Variants in TNPO1 observed in about 807,000 individuals in gnomAD.
TNPO1 encodes the protein transportin 1, also known as transportin-1.
A neutral mutation model predicts 119.5 loss-of-function variants in TNPO1; 8 were observed. That is an observed-to-expected ratio of 0.07 (90% CI 0.04 to 0.12). The LOEUF is 0.12. TNPO1 is among the 10% of genes least tolerant of loss of function. The pLI, the probability that TNPO1 is intolerant of heterozygous loss-of-function variation, is 1.00. For missense variants in TNPO1, 576 were observed against 1,089.8 expected (o/e 0.53, Z 6.64); for synonymous variants, 362 against 363.0 (o/e 1.00, Z 0.03).
At chr5:72,880,975 CTT>C (rs1242821030) in intron 9 of TNPO1, among the ~76,000 whole-genome samples, 1 of 152,100 alleles carries the variant, frequency 6.6e-6, no homozygotes, top group East Asian at 1.9e-4. Flanking sequence ...ATTTCCATGT[CTT>C]ATTTTCTGAC....
intron 1 of TNPO1, among the ~76,000 whole-genome samples, chr5:72,824,999 A>C (rs1744141374): frequency 6.6e-6 from 1 of 152,082 alleles, no homozygotes; most frequent in Non-Finnish European, 1.5e-5. Context: ...TCTTGGCCTT[A>C]TTTTTTTACT....
At chr5:72,828,542 G>T (rs1014662558) in intron 1 of TNPO1, among the ~76,000 whole-genome samples, 1 of 152,012 alleles carries the variant, frequency 6.6e-6, no homozygotes, top group Non-Finnish European at 1.5e-5. Context: ...AATTTTTGGG[G>T]GGTCATTTGA....
At chr5:72,856,424 G>A (rs1232685109) in intron 4 of TNPO1, among the ~76,000 whole-genome samples, 2 of 151,996 alleles carry the variant, frequency 1.3e-5, no homozygotes, top group Admixed American at 1.3e-4. Context: ...GTAGAGACAG[G>A]GTTTTACCAT....
At chr5:72,887,368 A>C (rs187395045) in intron 12 of TNPO1, 146 bp downstream of exon 12, 7 of 899,682 alleles carry the variant, frequency 7.8e-6, no homozygotes, top group Middle Eastern at 3.8e-4. Flanking sequence ...CCCCAGCTAG[A>C]TATTTTGCAA....
chr5:72,893,116 C>CATGTG, intron 15 of TNPO1, 23 bp from the exon 16 acceptor site: 1 of 1,572,748 alleles, frequency 6.4e-7, no homozygotes, highest in Non-Finnish European at 8.7e-7. Context: ...GAAAGTTTAG[C>CATGTG]ATGTGTACTT....
At chr5:72,837,461 G>A (rs1194144514) in intron 1 of TNPO1, among the ~76,000 whole-genome samples, 1 of 152,120 alleles carries the variant, frequency 6.6e-6, no homozygotes, top group Non-Finnish European at 1.5e-5. Flanking sequence ...TCATGACAAT[G>A]GCAGTCCAAA....
intron 19 of TNPO1, 33 bp downstream of exon 19, chr5:72,896,589 G>A (rs756393821): frequency 6.4e-7 from 1 of 1,570,006 alleles, no homozygotes; most frequent in Admixed American, 1.7e-5. Context: ...AAAGCATAAG[G>A]CCTGGCGCGG....
intron 1 of TNPO1, among the ~76,000 whole-genome samples, chr5:72,829,473 T>C (rs1046270800): frequency 1.1e-4 from 17 of 152,186 alleles, no homozygotes; most frequent in African/African-American, 3.6e-4. Context: ...TCAAGTGACA[T>C]GTAGCTTTCA....
intron 22 of TNPO1, among the ~76,000 whole-genome samples, chr5:72,902,897 T>C (rs1749894646): frequency 6.6e-6 from 1 of 152,198 alleles, no homozygotes; most frequent in African/African-American, 2.4e-5. Flanking sequence ...GCAAATCTTT[T>C]TTGCTTAAAT....
At chr5:72,849,555 C>T (rs1466818885) in intron 2 of TNPO1, among the ~76,000 whole-genome samples, 3 of 152,116 alleles carry the variant, frequency 2.0e-5, no homozygotes, top group African/African-American at 4.8e-5. Flanking sequence ...TTATTTACCC[C>T]GAGGGTTTCG....
intron 22 of TNPO1, among the ~76,000 whole-genome samples, chr5:72,902,513 G>GT (rs575506017): frequency 1.1e-3 from 152 of 143,026 alleles, no homozygotes; most frequent in South Asian, 1.8e-3. Flanking sequence ...CTGGGTTTTT[G>GT]TTTTTTTTTT....
At chr5:72,824,272 T>G (rs2112168089) in intron 1 of TNPO1, among the ~76,000 whole-genome samples, 1 of 152,318 alleles carries the variant, frequency 6.6e-6, no homozygotes, top group South Asian at 2.1e-4. Flanking sequence ...ATTTCTCCCC[T>G]CTTAGGAAAA....
Position 72,865,176 on chromosome 5 carries a change from C to T in TNPO1, c.463-420C>T, listed in dbSNP as rs999644936. ...TGAATATTAGAGCGGGCATGGTGGC[C>T]CATGCCTGTAATCCCAGCACTTTGG... On this transcript the variant is annotated intron_variant, in intron 5 of 24. Coordinates refer to ENST00000337273, the MANE Select transcript of TNPO1 (RefSeq NM_002270.4). Among the ~76,000 whole-genome samples, 67 of 151,884 alleles carry T rather than the reference C, an allele frequency of 4.4e-4. 1 individual carries two copies. Among genetic ancestry groups the T allele is most frequent in the African/African-American group, 1.6e-3 (66 of 41,440 alleles).
In TNPO1 at chr5:72,881,588, T is replaced by C. The variant is rs1275429560; in HGVS notation, c.921-879T>C. Among the ~76,000 whole-genome samples the C allele has an allele frequency of 2.6e-5, 4 of 152,368 alleles. No homozygotes were observed. In the East Asian group the frequency reaches 5.8e-4, roughly 22 times the overall value. ...AACCGCAAGTGGTCTCTTCACAATC[T>C]GCTAATTCATGTTCCAGATCAGCTT... On this transcript the variant is annotated intron_variant, in intron 9 of 24. Transcript: ENST00000337273.
chr5:72,870,594 T>C (rs1267516346), intron 6 of TNPO1, among the ~76,000 whole-genome samples: 1 of 152,246 alleles, frequency 6.6e-6, no homozygotes, highest in Admixed American at 6.5e-5. Context: ...AGTTACACTT[T>C]CTAGTTTTTT....
intron 9 of TNPO1, among the ~76,000 whole-genome samples, chr5:72,878,092 C>G (rs1482451102): frequency 6.6e-6 from 1 of 151,954 alleles, no homozygotes; most frequent in African/African-American, 2.4e-5. Flanking sequence ...GTATGCTATT[C>G]CATCATGGTA....
At chr5:72,868,459 A>AT (rs1747117985) in intron 6 of TNPO1, among the ~76,000 whole-genome samples, 1 of 109,304 alleles carries the variant, frequency 9.1e-6, no homozygotes, top group African/African-American at 2.8e-5. Flanking sequence ...AAAAAAAAAA[A>AT]CACAAAATAA....
At chr5:72,882,837 G>A (rs1399444649) in intron 10 of TNPO1, among the ~76,000 whole-genome samples, 1 of 152,140 alleles carries the variant, frequency 6.6e-6, no homozygotes, top group Non-Finnish European at 1.5e-5. Flanking sequence ...TGGAGGCCAT[G>A]TAGTTGGCTG....
chr5:72,862,091 C>G (rs188901104), intron 5 of TNPO1, among the ~76,000 whole-genome samples, 177 bp downstream of exon 5: 3 of 152,302 alleles, frequency 2.0e-5, no homozygotes, highest in African/African-American at 7.2e-5. Flanking sequence ...TCTATAAAAA[C>G]TGTTACATTA....
Sources: allele counts gnomAD v4.1 joint callset (sites outside exome capture counted in the v4.1 genomes callset), GRCh38; gene constraint gnomAD v4.1.1; transcripts MANE v1.5; gene names NCBI Gene and HGNC (gene_info 2026-07-23, HGNC 2026-07-21).